The following AMPH variants were observed in gnomAD, a reference collection of about 807,000 sequenced individuals.
AMPH encodes amphiphysin (Stiff-Mann syndrome with breast cancer 128kD autoantigen).
Under a neutral mutation model 99.1 loss-of-function variants are expected in AMPH, and 49 were observed. The ratio of observed to expected loss-of-function variants is 0.49; its 90% CI spans 0.39 to 0.63. The LOEUF (loss-of-function observed/expected upper bound fraction) is 0.63, where lower values mean the gene tolerates loss of function less well. AMPH is among the 20% of genes least tolerant of loss of function. AMPH has a pLI of 0.00. For synonymous variants in AMPH, 314 were observed against 317.3 expected, an observed-to-expected ratio of 0.99 and a Z score of 0.11; for missense variants, 759 against 863.4, an observed-to-expected ratio of 0.88 and a Z score of 1.52.
intron 1 of AMPH, among the ~76,000 whole-genome samples, chr7:38,554,801 C>G (rs1340927823): frequency 6.6e-6 from 1 of 152,198 alleles, no homozygotes; most frequent in Non-Finnish European, 1.5e-5. Context: ...ACTGTTTTGA[C>G]AGCTGCACTG....
intron 3 of AMPH, among the ~76,000 whole-genome samples, chr7:38,497,295 A>G (rs1175586009): frequency 2.0e-5 from 3 of 152,202 alleles, no homozygotes; most frequent in Non-Finnish European, 4.4e-5. Context: ...GCTAAATGCT[A>G]CCTCCGAGAT....
At chr7:38,574,165 A>G (rs1422047741) in intron 1 of AMPH, among the ~76,000 whole-genome samples, 3 of 152,364 alleles carry the variant, frequency 2.0e-5, no homozygotes, top group East Asian at 1.9e-4. Context: ...TTGATTTCCC[A>G]CAACGAGTGA....
Position 38,478,831 on chromosome 7 carries a change from T to C in AMPH, c.397-1862A>G, listed in dbSNP as rs866129564. ...TAAAAATGTTATCAGAGAGGAAAAATTGATTCAGTGGGCCCATTACTAAAC... is the reference window on the plus strand; with the variant it reads ...TAAAAATGTTATCAGAGAGGAAAAACTGATTCAGTGGGCCCATTACTAAAC... On this transcript the variant is annotated intron_variant, in intron 5 of 20. Coordinates refer to ENST00000356264, the MANE Select transcript of AMPH (RefSeq NM_001635.4). Among the ~76,000 whole-genome samples, 88 of 152,136 alleles carry C rather than the reference T, an allele frequency of 5.8e-4. 1 individual carries two copies. The highest frequency in any genetic ancestry group is 2.0e-3 in the African/African-American group (84 of 41,520).
intron 1 of AMPH, among the ~76,000 whole-genome samples, chr7:38,619,125 G>C (rs913122718): frequency 6.6e-6 from 1 of 152,166 alleles, no homozygotes; most frequent in Non-Finnish European, 1.5e-5. Context: ...CCAGGAATTC[G>C]AGGCTGCAGT....
chr7:38,387,784 TA>T lies in AMPH; in HGVS notation c.1980+2019del, dbSNP rs528120700. On this transcript the variant is annotated intron_variant, in intron 20 of 20. Coordinates refer to ENST00000356264, the MANE Select transcript of AMPH (RefSeq NM_001635.4). ...CAGTGATTTTCAAGTATGAAGACCA[TA>T]AAAAAAAAAAACCTACCCAAGCACA... 6.4e-4 allele frequency among the ~76,000 whole-genome samples: 88 copies of T among 136,512 alleles called. 1 individual carries two copies. The highest frequency in any genetic ancestry group is 2.5e-3 in the East Asian group (12 of 4,736). 89.6% of individuals were successfully genotyped at this position (136,512 alleles called of 152,430 possible). A position where few individuals can be genotyped will look rare whatever the true frequency, so the allele number is the denominator to read the frequency against.
intron 20 of AMPH, among the ~76,000 whole-genome samples, chr7:38,387,405 A>C (rs772304451): frequency 6.6e-6 from 1 of 152,222 alleles, no homozygotes; most frequent in Non-Finnish European, 1.5e-5. Flanking sequence ...ATGAAAGACT[A>C]TAAGTGGGAA....
intron 1 of AMPH, among the ~76,000 whole-genome samples, chr7:38,617,612 G>A (rs1409021410): frequency 6.6e-6 from 1 of 152,178 alleles, no homozygotes. Context: ...CCAGGTGCCA[G>A]CAGCTCTGTC....
chr7:38,534,274 A>G (rs1220648422), intron 2 of AMPH, among the ~76,000 whole-genome samples: 1 of 152,168 alleles, frequency 6.6e-6, no homozygotes, highest in East Asian at 1.9e-4. Flanking sequence ...GCATGCAACA[A>G]TTAAGGTCAT....
At chr7:38,434,599 C>G (rs963921676) in intron 12 of AMPH, among the ~76,000 whole-genome samples, 1 of 152,030 alleles carries the variant, frequency 6.6e-6, no homozygotes, top group Non-Finnish European at 1.5e-5. Context: ...ATTAGCCAGT[C>G]GTGGTGGCAG....
chr7:38,521,606 A>C lies in AMPH; in HGVS notation c.150+13325T>G, dbSNP rs181449239. On this transcript the variant is annotated intron_variant, in intron 2 of 20. Transcript: ENST00000356264. ...GGTAGAGAGATTTTTGGAAAAGTGC[A>C]GATTGAGTAGAACATACCCCTCCAT... Among the ~76,000 whole-genome samples, 251 of 152,326 alleles carry C rather than the reference A, an allele frequency of 1.6e-3. 3 individuals carry two copies. The highest frequency in any genetic ancestry group is 3.7e-4 in the Non-Finnish European group (25 of 68,026).
chr7:38,543,658 G>A (rs1790892619), intron 1 of AMPH, among the ~76,000 whole-genome samples: 1 of 152,140 alleles, frequency 6.6e-6, no homozygotes, highest in African/African-American at 2.4e-5. Flanking sequence ...AATTAGAGAG[G>A]TGAAGTAATT....
At chr7:38,608,877 G>C (rs1314636925) in intron 1 of AMPH, among the ~76,000 whole-genome samples, 6 of 152,184 alleles carry the variant, frequency 3.9e-5, no homozygotes, top group Non-Finnish European at 5.9e-5. Flanking sequence ...AGAAGAATTA[G>C]GGCAAAGGAG....
chr7:38,559,713 G>A (rs940683479), intron 1 of AMPH, among the ~76,000 whole-genome samples: 2 of 152,132 alleles, frequency 1.3e-5, no homozygotes, highest in African/African-American at 4.8e-5. Flanking sequence ...GAAAACTGAG[G>A]CTTATAGGTT....
chr7:38,484,466 A>C (rs1246379386), intron 5 of AMPH, among the ~76,000 whole-genome samples: 1 of 152,128 alleles, frequency 6.6e-6, no homozygotes, highest in Non-Finnish European at 1.5e-5. Flanking sequence ...AAGTGATGAA[A>C]GAACGAAAAA....
intron 7 of AMPH, among the ~76,000 whole-genome samples, chr7:38,472,779 T>C (rs543043321): frequency 6.6e-6 from 1 of 152,328 alleles, no homozygotes; most frequent in East Asian, 1.9e-4. Context: ...ATTAGATTGA[T>C]TTCAAAAGCA....
intron 1 of AMPH, among the ~76,000 whole-genome samples, chr7:38,598,780 C>A (rs1793148849): frequency 6.6e-6 from 1 of 152,050 alleles, no homozygotes; most frequent in Non-Finnish European, 1.5e-5. Context: ...TTAATTTGTA[C>A]TTTAACTGAT....
At chr7:38,467,123 A>G (rs1787688385) in intron 7 of AMPH, among the ~76,000 whole-genome samples, 1 of 152,178 alleles carries the variant, frequency 6.6e-6, no homozygotes, top group Non-Finnish European at 1.5e-5. Flanking sequence ...TGTGTTTGGG[A>G]AATGGTAAGC....
chr7:38,580,077 A>G (rs113064889), intron 1 of AMPH, among the ~76,000 whole-genome samples: 5 of 152,346 alleles, frequency 3.3e-5, no homozygotes, highest in African/African-American at 1.2e-4. Flanking sequence ...TCAGAGCACT[A>G]CATCAATTTT....
intron 11 of AMPH, among the ~76,000 whole-genome samples, chr7:38,437,812 A>C (rs1440822083): frequency 6.6e-6 from 1 of 151,924 alleles, no homozygotes; most frequent in Non-Finnish European, 1.5e-5. Context: ...CCCCCCCAAA[A>C]ATAAAAAAAA....
Sources: gnomAD v4.1 joint callset for allele counts (sites outside exome capture counted in the v4.1 genomes callset) on GRCh38, gnomAD v4.1.1 for gene constraint, MANE v1.5 for transcripts, NCBI Gene and HGNC (gene_info 2026-07-23, HGNC 2026-07-21) for gene names.